The following DROSHA variants were observed in gnomAD, a reference collection of about 807,000 sequenced individuals.
DROSHA encodes drosha ribonuclease III.
Under a neutral mutation model 181.9 loss-of-function variants are expected in DROSHA, and 56 were observed. The observed-to-expected ratio is 0.31, with a 90% CI of 0.25 to 0.38. DROSHA has a LOEUF of 0.38. Ranked by LOEUF, DROSHA falls within the 10% of genes least tolerant of loss-of-function variation. The pLI, the probability that DROSHA is intolerant of heterozygous loss-of-function variation, is 1.00. For missense variants in DROSHA, 1,218 were observed against 1,743.5 expected (o/e 0.70, Z 5.37); for synonymous variants, 524 against 591.2 (o/e 0.89, Z 1.65).
intron 17 of DROSHA, among the ~76,000 whole-genome samples, chr5:31,469,403 G>A (rs1334303766): frequency 6.6e-6 from 1 of 152,006 alleles, no homozygotes; most frequent in Non-Finnish European, 1.5e-5. Context: ...CTTTTTAAGT[G>A]TCATTTAACA....
intron 11 of DROSHA, among the ~76,000 whole-genome samples, chr5:31,496,526 T>C (rs1752999339): frequency 6.6e-6 from 1 of 152,218 alleles, no homozygotes; most frequent in South Asian, 2.1e-4. Context: ...GGCAGCTGCA[T>C]AAACCCACTG....
At chr5:31,515,646 C>A in intron 6 of DROSHA, 82 bp from the exon 7 acceptor site, 2 of 1,516,334 alleles carry the variant, frequency 1.3e-6, no homozygotes, top group Non-Finnish European at 1.8e-6. Context: ...AGTTTTGAAT[C>A]CTCCACATCT....
chr5:31,531,257 G>A (rs1047309058), intron 2 of DROSHA, among the ~76,000 whole-genome samples, 193 bp downstream of exon 2: 1 of 152,196 alleles, frequency 6.6e-6, no homozygotes, highest in Non-Finnish European at 1.5e-5. Context: ...ACCTAGAGGT[G>A]GGCAAAAGTC....
rs1288407577 is a variant in DROSHA at position 31,401,321 on chromosome 5, A to C, written c.*111T>G. 1 of 1,417,532 alleles carries C rather than the reference A, an allele frequency of 7.1e-7. No individual in the cohort carries two copies. 87.8% of individuals were successfully genotyped at this position (1,417,532 alleles called of 1,614,324 possible). ...CAATAGCGATTTGACTCTGTATTTTATTTCAATGAGCACACTTCATTCATT... is the reference window on the plus strand; with the variant it reads ...CAATAGCGATTTGACTCTGTATTTTCTTTCAATGAGCACACTTCATTCATT... On this transcript the variant is annotated 3_prime_UTR_variant, in exon 36 of 36. Coordinates refer to ENST00000344624, the MANE Select transcript of DROSHA (RefSeq NM_001382508.1).
intron 13 of DROSHA, among the ~76,000 whole-genome samples, chr5:31,489,871 A>C (rs74383072): frequency 0.028 from 3,873 of 137,716 alleles, 161 homozygotes; most frequent in African/African-American, 0.11. Context: ...CATATACCTT[A>C]CATTTTTTTT....
At chr5:31,479,070 T>G (rs2150033416) in intron 16 of DROSHA, among the ~76,000 whole-genome samples, 1 of 152,152 alleles carries the variant, frequency 6.6e-6, no homozygotes, top group Admixed American at 6.5e-5. Flanking sequence ...TATAAAATGC[T>G]AAGTATGCAT....
intron 3 of DROSHA, among the ~76,000 whole-genome samples, chr5:31,529,748 C>CAAAAAAAAAAAAAAAAAA (rs60599492): frequency 7.9e-6 from 1 of 125,900 alleles, no homozygotes; most frequent in African/African-American, 3.0e-5. Flanking sequence ...AAAAAAAAAA[C>CAAAAAAAAAAAAAAAAAA]AAAAAAAAAA....
intron 30 of DROSHA, among the ~76,000 whole-genome samples, chr5:31,420,997 G>T (rs958222586): frequency 2.6e-5 from 4 of 152,150 alleles, no homozygotes; most frequent in African/African-American, 9.7e-5. Context: ...TAAGCTCCTT[G>T]TAAACAGACT....
chr5:31,454,310 T>A (rs867316833), intron 20 of DROSHA, among the ~76,000 whole-genome samples: 1 of 152,054 alleles, frequency 6.6e-6, no homozygotes, highest in Non-Finnish European at 1.5e-5. Flanking sequence ...GTAGAAGCCC[T>A]ACAACCAGGA....
intron 20 of DROSHA, among the ~76,000 whole-genome samples, chr5:31,457,023 CT>C (rs1266949525): frequency 6.6e-6 from 1 of 151,478 alleles, no homozygotes; most frequent in East Asian, 1.9e-4. Context: ...TGAACAAAAT[CT>C]CAGTAGAGAA....
intron 23 of DROSHA, among the ~76,000 whole-genome samples, chr5:31,438,581 G>C (rs1010312821): frequency 2.0e-5 from 3 of 152,076 alleles, no homozygotes; most frequent in Admixed American, 2.0e-4. Context: ...GCAGGTTTTG[G>C]GGAAAAGCAA....
At chr5:31,491,469 T>C (rs1374596355) in intron 13 of DROSHA, among the ~76,000 whole-genome samples, 2 of 152,178 alleles carry the variant, frequency 1.3e-5, no homozygotes, top group Admixed American at 6.5e-5. Flanking sequence ...CTATCCTTCT[T>C]TGTTTAAGGT....
chr5:31,408,979 C>T, intron 33 of DROSHA, 77 bp downstream of exon 33: 2 of 1,339,242 alleles, frequency 1.5e-6, no homozygotes, highest in Admixed American at 2.1e-5. Context: ...CACAATGACT[C>T]ATTCTTCAAG....
chr5:31,448,997 T>C (rs2150013865), intron 22 of DROSHA, among the ~76,000 whole-genome samples: 1 of 152,224 alleles, frequency 6.6e-6, no homozygotes, highest in African/African-American at 2.4e-5. Context: ...TAGCCAAGTA[T>C]GGTGGCACAT....
At chr5:31,452,587 T>C (rs999764106) in intron 20 of DROSHA, among the ~76,000 whole-genome samples, 1 of 152,220 alleles carries the variant, frequency 6.6e-6, no homozygotes, top group Non-Finnish European at 1.5e-5. Flanking sequence ...CACAGAATGA[T>C]TGACATATGC....
chr5:31,508,821 A>C, intron 9 of DROSHA, 46 bp from the exon 10 acceptor site: 1 of 1,474,296 alleles, frequency 6.8e-7, no homozygotes, highest in African/African-American at 2.1e-5. Flanking sequence ...GGAATTAACA[A>C]ACTGGTTTTT....
intron 33 of DROSHA, 190 bp downstream of exon 33, chr5:31,408,866 T>C (rs1740970444): frequency 1.8e-6 from 1 of 542,596 alleles, no homozygotes; most frequent in Non-Finnish European, 3.3e-6. Context: ...TGGGACCCAC[T>C]TATTACAGCT....
chr5:31,496,623 C>T (rs1336485563), intron 11 of DROSHA, among the ~76,000 whole-genome samples: 2 of 152,208 alleles, frequency 1.3e-5, no homozygotes, highest in Non-Finnish European at 2.9e-5. Flanking sequence ...GTGCTATTCT[C>T]CAAGCCATAA....
At chr5:31,481,049 G>A (rs1456953359) in intron 16 of DROSHA, among the ~76,000 whole-genome samples, 2 of 99,422 alleles carry the variant, frequency 2.0e-5, no homozygotes, top group Non-Finnish European at 2.9e-5. Flanking sequence ...TGACAACTAC[G>A]TAAAAAAAAC....
Sources: gnomAD v4.1 joint callset for allele counts (sites outside exome capture counted in the v4.1 genomes callset) on GRCh38, gnomAD v4.1.1 for gene constraint, MANE v1.5 for transcripts, NCBI Gene and HGNC (gene_info 2026-07-23, HGNC 2026-07-21) for gene names.